Variants in POTEF observed in about 807,000 individuals in gnomAD.
The protein encoded by POTEF is ANKRD26-like family C member 1B.
In POTEF, 20 loss-of-function variants were observed where a neutral mutation model predicts 83.2. The observed-to-expected ratio is 0.24, with a 90% CI of 0.17 to 0.35. The LOEUF (loss-of-function observed/expected upper bound fraction) is 0.35, where lower values mean the gene tolerates loss of function less well. Among genes scored for constraint, POTEF ranks in the 10% least tolerant of loss-of-function variants. POTEF has a pLI of 1.00. For missense variants in POTEF, 550 were observed against 1,203.2 expected (o/e 0.46, Z 8.03); for synonymous variants, 196 against 446.4 (o/e 0.44, Z 7.07).
rs200168896 is a variant in POTEF at position 130,120,114 on chromosome 2, G to A, written c.402C>T (p.His134=). The A allele has an allele frequency of 5.7e-5, 92 of 1,607,752 alleles. No homozygotes were observed. In the African/African-American group the frequency reaches 1.0e-3, roughly 18 times the overall value. ...DDSAFMEPRY[H]VRGEDLDKLH... is the part of the protein sequence containing the mutation. ...GCTTGTCCAGATCTTCTCCACGGAC[G>A]TGGTACCTGGGCTCCATGAAGGCAC... Residue 134 remains histidine (H), a synonymous_variant, in exon 3 of 17, where the codon CAC becomes CAT. Coordinates refer to ENST00000409914, the MANE Select transcript of POTEF (RefSeq NM_001099771.2).
chr2:130,122,271 TTATGTG>T (rs1685017426), intron 2 of POTEF, among the ~76,000 whole-genome samples: 1 of 151,110 alleles, frequency 6.6e-6, no homozygotes, highest in African/African-American at 2.5e-5. Flanking sequence ...ATAAATACTT[TTATGTG>T]TAAGGCATTT....
intron 15 of POTEF, among the ~76,000 whole-genome samples, chr2:130,083,249 T>C (rs1300193602): frequency 1.3e-5 from 2 of 151,134 alleles, no homozygotes; most frequent in African/African-American, 4.9e-5. Context: ...GCAGGAGAAG[T>C]GCTGGAACTC....
At chr2:130,125,725 G>C (rs1205373828) in intron 2 of POTEF, among the ~76,000 whole-genome samples, 4 of 152,132 alleles carry the variant, frequency 2.6e-5, no homozygotes, top group Admixed American at 2.6e-4. Context: ...GGCCAACAGG[G>C]TGAAACCCCA....
intron 2 of POTEF, chr2:130,120,919 G>T (rs2104829107): frequency 3.3e-6 from 1 of 302,140 alleles, no homozygotes; most frequent in East Asian, 8.8e-5. Context: ...AGAACGCAAA[G>T]CCAAGCCAAG....
intron 3 of POTEF, among the ~76,000 whole-genome samples, chr2:130,115,892 T>C (rs1684832037): frequency 6.6e-6 from 1 of 152,100 alleles, no homozygotes; most frequent in Non-Finnish European, 1.5e-5. Context: ...ATTGTCTCCA[T>C]GTTGTCTCCA....
In POTEF at chr2:130,119,649, T is replaced by C. The variant is rs1275198720; in HGVS notation, c.521+346A>G. On this transcript the variant is annotated intron_variant, in intron 3 of 16. Coordinates refer to ENST00000409914, the MANE Select transcript of POTEF (RefSeq NM_001099771.2). ...GTTGATGTGTTATGGGGCTTCGTTC[T>C]TAGTTCTCAATATACACTTTTCTAT... Among the ~76,000 whole-genome samples the C allele has an allele frequency of 7.9e-5, 12 of 151,980 alleles. No homozygotes were observed. The East Asian group carries it at 1.8e-3, about 22-fold the overall frequency.
At chr2:130,113,570 G>A (rs1034919935) in intron 5 of POTEF, among the ~76,000 whole-genome samples, 2 of 102,632 alleles carry the variant, frequency 1.9e-5, no homozygotes, top group African/African-American at 7.1e-5. Flanking sequence ...TCATTATGTT[G>A]ACCAGGCTAG....
Position 130,103,340 on chromosome 2 carries a change from C to A in POTEF, c.1127-1160G>T, listed in dbSNP as rs1684426001. On this transcript the variant is annotated intron_variant, in intron 8 of 16. Coordinates refer to ENST00000409914, the MANE Select transcript of POTEF (RefSeq NM_001099771.2). The stretch of plus-strand genomic sequence containing the variant: ...GGTCCTGATCTTTTGACCTTGTGAT[C>A]TGCCTGCTCCAGCCTCCCAAAATGC... 1.3e-5 allele frequency among the ~76,000 whole-genome samples: 2 copies of A among 150,644 alleles called. 1 individual carries two copies. The highest frequency in any genetic ancestry group is 4.2e-4 in the South Asian group (2 of 4,804).
intron 6 of POTEF, among the ~76,000 whole-genome samples, chr2:130,111,525 A>G (rs1573610968): frequency 1.3e-5 from 2 of 151,762 alleles, no homozygotes; most frequent in African/African-American, 4.9e-5. Context: ...ATAAGCTAAC[A>G]CTAATATTCT....
At position 130,108,779 on chromosome 2, in the gene POTEF, A is replaced by C. The variant is rs533830901; in HGVS notation, c.1056-700T>G. Among the ~76,000 whole-genome samples, 1,194 of 148,982 alleles carry C rather than the reference A, an allele frequency of 8.0e-3. 18 individuals carry two copies. The highest frequency in any genetic ancestry group is 0.035 in the Middle Eastern group (10 of 284). On this transcript the variant is annotated intron_variant, in intron 7 of 16. Transcript: ENST00000409914. ...AAAGTAGATAATGTGATTGTCCACT[A>C]TTACGGAGTTGATCAATCACACCAA...
In POTEF at chr2:130,120,383, T is replaced by C. The variant is rs200786675; in HGVS notation, c.133A>G (p.Thr45Ala). 0.015 allele frequency: 22,978 copies of C among 1,578,762 alleles called. 233 individuals carry two copies. The highest frequency in any genetic ancestry group is 0.015 in the Non-Finnish European group (18,003 of 1,167,932). ...CRESGKSNVG[T>A]SGDHDDSAMK... ...GCAGAGTCGTCGTGGTCTCCAGAAGTGCCCACGTTGCTCTTGCCGCTCTCC... is the reference window on the plus strand; with the variant it reads ...GCAGAGTCGTCGTGGTCTCCAGAAGCGCCCACGTTGCTCTTGCCGCTCTCC... The change falls in exon 3 of 17, where the codon ACT becomes GCT. Residue 45 changes from threonine to alanine, a missense_variant. Thr to Ala is a moderately conservative substitution (Grantham distance 58). Coordinates refer to ENST00000409914, the MANE Select transcript of POTEF (RefSeq NM_001099771.2).
At chr2:130,126,804 T>C (rs1458583066) in intron 2 of POTEF, among the ~76,000 whole-genome samples, 4 of 151,826 alleles carry the variant, frequency 2.6e-5, no homozygotes, top group African/African-American at 9.7e-5. Context: ...TTAAGGCCAT[T>C]GCTTGGCATA....
chr2:130,120,787 C>T (rs1030643981), intron 2 of POTEF, 179 bp from the exon 3 acceptor site: 6 of 605,504 alleles, frequency 9.9e-6, no homozygotes, highest in Non-Finnish European at 1.7e-5. Context: ...AAACACCCAG[C>T]CCACCCAAGG....
At chr2:130,103,746 G>C (rs1558888163) in intron 8 of POTEF, among the ~76,000 whole-genome samples, 1 of 147,808 alleles carries the variant, frequency 6.8e-6, no homozygotes, top group Non-Finnish European at 1.5e-5. Flanking sequence ...CTTAAATATT[G>C]AGACTAGCCA....
chr2:130,110,042 G>A (rs1334740254), intron 7 of POTEF, among the ~76,000 whole-genome samples: 1 of 151,384 alleles, frequency 6.6e-6, no homozygotes, highest in Non-Finnish European at 1.5e-5. Flanking sequence ...CAGAATCAAC[G>A]GAAACAACAG....
chr2:130,123,711 C>T (rs1685042084), intron 2 of POTEF, among the ~76,000 whole-genome samples: 1 of 150,740 alleles, frequency 6.6e-6, no homozygotes. Context: ...TACATAAATG[C>T]TATGTAAATG....
chr2:130,114,729 T>G (rs1428487082), intron 5 of POTEF, among the ~76,000 whole-genome samples, 152 bp downstream of exon 5: 1 of 152,016 alleles, frequency 6.6e-6, no homozygotes, highest in Non-Finnish European at 1.5e-5. Flanking sequence ...GTAACAATAT[T>G]TAAAATGAAG....
intron 5 of POTEF, among the ~76,000 whole-genome samples, chr2:130,113,015 G>A: frequency 6.6e-6 from 1 of 151,370 alleles, no homozygotes; most frequent in East Asian, 1.9e-4. Context: ...ATGGTAGGAA[G>A]GAAAAGGTAT....
chr2:130,119,570 T>C (rs2104827016), intron 3 of POTEF, among the ~76,000 whole-genome samples: 1 of 151,562 alleles, frequency 6.6e-6, no homozygotes, highest in East Asian at 2.0e-4. Context: ...TTACATACTG[T>C]ACATTGATAT....
Sources: gnomAD v4.1 joint callset for allele counts (sites outside exome capture counted in the v4.1 genomes callset) on GRCh38, gnomAD v4.1.1 for gene constraint, MANE v1.5 for transcripts, NCBI Gene and HGNC (gene_info 2026-07-23, HGNC 2026-07-21) for gene names.